PTPRG: variants seen among roughly 807,000 people sequenced by gnomAD.
The protein encoded by PTPRG is receptor-type tyrosine-protein phosphatase gamma.
Under a neutral mutation model 165.3 loss-of-function variants are expected in PTPRG, and 102 were observed. That is an observed-to-expected ratio of 0.62 (90% CI 0.53 to 0.73). PTPRG has a LOEUF of 0.73. PTPRG is among the 30% of genes least tolerant of loss of function. The pLI, the probability that PTPRG is intolerant of heterozygous loss-of-function variation, is 0.00. For synonymous variants in PTPRG, 675 were observed against 669.5 expected, an observed-to-expected ratio of 1.01 and a Z score of -0.13; for missense variants, 1,866 against 1,861.4, an observed-to-expected ratio of 1.00 and a Z score of -0.05.
chr3:62,216,931 T>C (rs138914034), intron 12 of PTPRG, among the ~76,000 whole-genome samples: 2 of 152,316 alleles, frequency 1.3e-5, no homozygotes, highest in East Asian at 1.9e-4. Flanking sequence ...CTTGCCTTCG[T>C]TGGGGAGCTC....
chr3:61,976,489 C>A (rs1191244861), intron 2 of PTPRG, among the ~76,000 whole-genome samples: 5 of 152,186 alleles, frequency 3.3e-5, no homozygotes, highest in Non-Finnish European at 7.3e-5. Context: ...ATCACAGCAT[C>A]AGCTTAATTG....
intron 2 of PTPRG, among the ~76,000 whole-genome samples, chr3:61,962,079 G>A (rs776791303): frequency 1.1e-4 from 16 of 152,098 alleles, no homozygotes; most frequent in Non-Finnish European, 1.5e-4. Flanking sequence ...TTTTAAGTAC[G>A]TTGATTTCTC....
intron 2 of PTPRG, among the ~76,000 whole-genome samples, chr3:61,841,662 T>G (rs2036637151): frequency 6.6e-6 from 1 of 151,970 alleles, no homozygotes; most frequent in African/African-American, 2.4e-5. Flanking sequence ...AGTCATGTGC[T>G]TCTGTCCACT....
intron 1 of PTPRG, among the ~76,000 whole-genome samples, chr3:61,713,963 T>G (rs1403670718): frequency 6.6e-6 from 1 of 152,234 alleles, no homozygotes; most frequent in African/African-American, 2.4e-5. Context: ...TAATGCCGTA[T>G]TTTAAAAATA....
At chr3:62,002,763 T>C (rs912974808) in intron 3 of PTPRG, among the ~76,000 whole-genome samples, 3 of 152,194 alleles carry the variant, frequency 2.0e-5, no homozygotes, top group Non-Finnish European at 2.9e-5. Flanking sequence ...AGAGTAGATT[T>C]TTGCATTACA....
chr3:62,112,597 C>T (rs1205327430), intron 5 of PTPRG, among the ~76,000 whole-genome samples: 1 of 152,182 alleles, frequency 6.6e-6, no homozygotes, highest in African/African-American at 2.4e-5. Flanking sequence ...TTAACTGTTA[C>T]TATTATTTGA....
chr3:61,867,448 T>G (rs932968929), intron 2 of PTPRG, among the ~76,000 whole-genome samples: 2 of 152,212 alleles, frequency 1.3e-5, no homozygotes, highest in African/African-American at 4.8e-5. Context: ...TCCCCTCTCT[T>G]CTTTCCCTCC....
At position 61,644,231 on chromosome 3, in the gene PTPRG, C is replaced by G. The variant is rs1430348194; in HGVS notation, c.85+81859C>G. Reference sequence around the variant, plus strand: ...AGATGTGCCAAAGTTAACTTTGGAGCTTTAGGTTTTGAATATCATTTCTCA... The same window carrying G: ...AGATGTGCCAAAGTTAACTTTGGAGGTTTAGGTTTTGAATATCATTTCTCA... On this transcript the variant is annotated intron_variant, in intron 1 of 29. Coordinates refer to ENST00000474889, the MANE Select transcript of PTPRG (RefSeq NM_002841.4). 2.0e-5 allele frequency among the ~76,000 whole-genome samples: 3 copies of G among 152,214 alleles called. No individual in the cohort carries two copies. In the East Asian group the frequency reaches 5.8e-4, roughly 29 times the overall value.
intron 2 of PTPRG, among the ~76,000 whole-genome samples, chr3:61,867,027 A>G (rs2037431531): frequency 6.6e-6 from 1 of 152,162 alleles, no homozygotes; most frequent in South Asian, 2.1e-4. Context: ...GTAGAACATC[A>G]TCCTTCCAGC....
At chr3:61,622,747 A>T (rs1701499417) in intron 1 of PTPRG, among the ~76,000 whole-genome samples, 1 of 152,146 alleles carries the variant, frequency 6.6e-6, no homozygotes, top group African/African-American at 2.4e-5. Flanking sequence ...AGTAGACAAG[A>T]TGTATAAATT....
intron 1 of PTPRG, among the ~76,000 whole-genome samples, chr3:61,683,701 C>A (rs554721679): frequency 6.6e-6 from 1 of 152,216 alleles, no homozygotes; most frequent in Non-Finnish European, 1.5e-5. Flanking sequence ...TGAGCTCTCT[C>A]TCGACTTATG....
intron 5 of PTPRG, among the ~76,000 whole-genome samples, chr3:62,078,551 C>A (rs898697566): frequency 3.2e-4 from 49 of 151,992 alleles, no homozygotes; most frequent in African/African-American, 1.2e-3. Context: ...GAACAGGTTC[C>A]TTCAGCATAT....
rs200417191 is a variant in PTPRG at position 62,026,879 on chromosome 3, T to TA, written c.519+23397dup. ...CCAGCCTGGGAAACCGAGTGAGAATTAAAAAAAAAAAAAAAGATATAAGAA... is the reference window on the plus strand; with the variant it reads ...CCAGCCTGGGAAACCGAGTGAGAATTAAAAAAAAAAAAAAAAGATATAAGAA... On this transcript the variant is annotated intron_variant, in intron 4 of 29. Transcript: ENST00000474889. 4.3e-3 allele frequency among the ~76,000 whole-genome samples: 409 copies of TA among 94,680 alleles called. 23 individuals carry two copies. The highest frequency in any genetic ancestry group is 0.035 in the East Asian group (116 of 3,346). The allele number at this position is 94,680 out of a possible 152,430, so 62.1% of individuals were successfully genotyped here. A position where few individuals can be genotyped will look rare whatever the true frequency, so the allele number is the denominator to read the frequency against.
At chr3:61,825,824 G>A (rs1374329213) in intron 2 of PTPRG, among the ~76,000 whole-genome samples, 15 of 151,822 alleles carry the variant, frequency 9.9e-5, no homozygotes. Flanking sequence ...TTTTGTTGTT[G>A]TTGTTTGGTA....
chr3:62,009,076 C>T lies in PTPRG; in HGVS notation c.519+5579C>T, dbSNP rs139194995. On this transcript the variant is annotated intron_variant, in intron 4 of 29. Transcript: ENST00000474889. ...CAGTACTCTACATAGCTTCACATTT[C>T]TTCATATCTGGTTTTACCACCAAAT... Among the ~76,000 whole-genome samples the T allele has an allele frequency of 1.7e-3, 258 of 152,344 alleles. 1 individual carries two copies. The highest frequency in any genetic ancestry group is 5.8e-3 in the African/African-American group (242 of 41,572).
chr3:62,035,957 G>A (rs1468315), intron 4 of PTPRG, among the ~76,000 whole-genome samples: 35 of 151,250 alleles, frequency 2.3e-4, no homozygotes, highest in Non-Finnish European at 4.3e-4. Flanking sequence ...AATTGATGTC[G>A]CATTAATTCA....
chr3:61,694,537 C>T (rs1449893987), intron 1 of PTPRG, among the ~76,000 whole-genome samples: 1 of 152,176 alleles, frequency 6.6e-6, no homozygotes, highest in African/African-American at 2.4e-5. Flanking sequence ...TACTTTCTGA[C>T]TCAGTGATCC....
chr3:62,078,873 A>G (rs1701479065), intron 5 of PTPRG, among the ~76,000 whole-genome samples: 1 of 152,230 alleles, frequency 6.6e-6, no homozygotes, highest in Non-Finnish European at 1.5e-5. Context: ...AGGCTTTTTA[A>G]TAAGTCAAAT....
intron 5 of PTPRG, chr3:62,124,136 C>G (rs1295510680): frequency 1.7e-6 from 1 of 603,600 alleles, no homozygotes; most frequent in African/African-American, 1.9e-5. Context: ...ATAAGTTCAG[C>G]GCTTAAAAGG....
Sources: gnomAD v4.1 joint callset for allele counts (sites outside exome capture counted in the v4.1 genomes callset) on GRCh38, gnomAD v4.1.1 for gene constraint, MANE v1.5 for transcripts, NCBI Gene and HGNC (gene_info 2026-07-23, HGNC 2026-07-21) for gene names.